The following LMF1 variants were observed in gnomAD, a reference collection of about 807,000 sequenced individuals.
LMF1 encodes transmembrane protein 112.
A neutral mutation model predicts 60.6 loss-of-function variants in LMF1; 68 were observed. That is an observed-to-expected ratio of 1.12 (90% CI 0.92 to 1.37). The LOEUF is 1.37. Among genes scored for constraint, LMF1 ranks in the 40% most tolerant of loss-of-function variants. The probability of loss-of-function intolerance (pLI) is 0.00; values close to 1 mark genes in which losing one functional copy is unlikely to be tolerated. For synonymous variants in LMF1, 418 were observed against 324.7 expected (o/e 1.29, Z -3.09); for missense variants, 948 against 767.2 (o/e 1.24, Z -2.78).
At chr16:882,574 A>G (rs1334359101) in intron 5 of LMF1, among the ~76,000 whole-genome samples, 2 of 152,258 alleles carry the variant, frequency 1.3e-5, no homozygotes, top group African/African-American at 4.8e-5. Flanking sequence ...CACCACGTGC[A>G]GCAGAAGAGC....
At chr16:919,826 G>A (rs1341978594) in intron 3 of LMF1, among the ~76,000 whole-genome samples, 1 of 152,144 alleles carries the variant, frequency 6.6e-6, no homozygotes, top group African/African-American at 2.4e-5. Context: ...ACGTGGGGGT[G>A]AGGGTGAAGC....
intron 5 of LMF1, among the ~76,000 whole-genome samples, chr16:892,086 T>G (rs2070505035): frequency 6.6e-6 from 1 of 152,190 alleles, no homozygotes; most frequent in Admixed American, 6.5e-5. Context: ...GGCCGGCACG[T>G]GGACCAAGAC....
intron 2 of LMF1, among the ~76,000 whole-genome samples, chr16:948,290 A>G (rs2072304091): frequency 1.3e-5 from 2 of 150,772 alleles, no homozygotes; most frequent in Admixed American, 1.3e-4. Context: ...CGACAGAGTC[A>G]GAGCCAACGA....
At chr16:866,187 AT>A (rs1190274741) in intron 10 of LMF1, among the ~76,000 whole-genome samples, 1 of 152,138 alleles carries the variant, frequency 6.6e-6, no homozygotes, top group Non-Finnish European at 1.5e-5. Flanking sequence ...AAAACTGAAC[AT>A]TTTGTGTATT....
rs140577553 is a variant in LMF1, at chr16:857,029, G to A, written c.1530-2323C>T. ...ATTTCAAGAATGAGTGGAACCCTGC[G>A]GCACGTACCCGCGGGGCAGGCGATT... is the stretch of plus-strand genomic sequence containing the variant. On this transcript the variant is annotated intron_variant, in intron 10 of 10. Transcript: ENST00000262301. 3.6e-3 allele frequency among the ~76,000 whole-genome samples: 545 copies of A among 152,374 alleles called. 4 individuals carry two copies. The highest frequency in any genetic ancestry group is 0.017 in the Middle Eastern group (5 of 294).
At chr16:958,491 C>T (rs1597078445) in intron 1 of LMF1, among the ~76,000 whole-genome samples, 2 of 152,202 alleles carry the variant, frequency 1.3e-5, no homozygotes, top group Non-Finnish European at 1.5e-5. Context: ...GCAAATAACA[C>T]GTGAAAAGAT....
Position 871,188 on chromosome 16 carries a change from G to T in LMF1, c.1051C>A (p.Arg351=), listed in dbSNP as rs1394058307. 1.9e-6 allele frequency: 3 copies of T among 1,607,606 alleles called. No individual in the cohort carries two copies. The highest frequency in any genetic ancestry group is 2.5e-6 in the Non-Finnish European group (3 of 1,177,824). The part of the protein sequence containing the change: ...DRVLQMQRDI[R]GARPEPRFGS... ...AATCTGGGCTCGGGCCGGGCCCCTC[G>T]GATGTCCCTCTGCATCTGCAGAACT... The change falls in exon 7 of 11, where the codon CGA becomes AGA. Residue 351 remains arginine, a synonymous_variant. Coordinates refer to ENST00000262301, the MANE Select transcript of LMF1 (RefSeq NM_022773.4).
chr16:962,295 G>A lies in LMF1; in HGVS notation c.194-7629C>T, dbSNP rs547654920. On this transcript the variant is annotated intron_variant, in intron 1 of 10. Transcript: ENST00000262301. The surrounding 1 kb of genome is among the most constrained non-coding windows in gnomAD (Gnocchi z 4.5). ...TCACGACCCAGAGGGAAAATAAATG[G>A]GCGTGGGTCCATAGTGACAAAATCA... Among the ~76,000 whole-genome samples, 1 of 152,130 alleles carries A rather than the reference G, an allele frequency of 6.6e-6. No individual in the cohort carries two copies. Among genetic ancestry groups the A allele is most frequent in the Non-Finnish European group, 1.5e-5 (1 of 68,038 alleles).
At chr16:947,869 GAGTC>G (rs2072279756) in intron 2 of LMF1, among the ~76,000 whole-genome samples, 1 of 152,076 alleles carries the variant, frequency 6.6e-6, no homozygotes, top group African/African-American at 2.4e-5. Context: ...GACAATGACA[GAGTC>G]AGCCAACGAC....
intron 3 of LMF1, among the ~76,000 whole-genome samples, chr16:928,674 G>A (rs1035151611): frequency 2.6e-5 from 4 of 151,346 alleles, no homozygotes; most frequent in African/African-American, 9.7e-5. Flanking sequence ...CCCTGCACGA[G>A]CCCATCCCCA....
intron 4 of LMF1, among the ~76,000 whole-genome samples, chr16:898,165 C>A (rs554123058): frequency 6.6e-6 from 1 of 152,262 alleles, no homozygotes; most frequent in Non-Finnish European, 1.5e-5. Context: ...CCCTCAGACA[C>A]GCAGCTGACT....
At chr16:951,250 A>C (rs2072458732) in intron 2 of LMF1, among the ~76,000 whole-genome samples, 1 of 148,374 alleles carries the variant, frequency 6.7e-6, no homozygotes, top group African/African-American at 2.5e-5. Context: ...CGACAGAGTC[A>C]GCCAACGACA....
At chr16:955,216 T>A (rs2072658173) in intron 1 of LMF1, among the ~76,000 whole-genome samples, 1 of 121,806 alleles carries the variant, frequency 8.2e-6, no homozygotes, top group Non-Finnish European at 1.6e-5. Context: ...ACAAGTTACA[T>A]AAAAGGCGTG....
At chr16:929,566 G>A (rs1204843385) in intron 3 of LMF1, among the ~76,000 whole-genome samples, 5 of 152,224 alleles carry the variant, frequency 3.3e-5, no homozygotes, top group Non-Finnish European at 7.3e-5. Context: ...CTGGAAGCTC[G>A]AGACACTCCC....
chr16:890,988 TTGA>T (rs2070470167), intron 5 of LMF1, among the ~76,000 whole-genome samples: 1 of 152,192 alleles, frequency 6.6e-6, no homozygotes, highest in Non-Finnish European at 1.5e-5. Context: ...TGAACTGGTG[TTGA>T]CGGCTGACAC....
At position 934,214 on chromosome 16, in the gene LMF1, C is replaced by G. The variant is rs573835447; in HGVS notation, c.514+30G>C. 4.4e-6 allele frequency: 7 copies of G among 1,599,350 alleles called. No homozygotes were observed. The East Asian group carries it at 8.9e-5, about 20-fold the overall frequency. ...CCAAACACACAACGCTCAACTCTCGCAGAGCTTTCTCTAAATGCATCTCAC... is the reference window on the plus strand; with the variant it reads ...CCAAACACACAACGCTCAACTCTCGGAGAGCTTTCTCTAAATGCATCTCAC... On this transcript the variant is annotated intron_variant, in intron 3 of 10. Coordinates refer to ENST00000262301, the MANE Select transcript of LMF1 (RefSeq NM_022773.4).
chr16:981,107 C>A (rs535276678), intron 1 of LMF1: 2 of 386,972 alleles, frequency 5.2e-6, no homozygotes, highest in Admixed American at 2.7e-5. Context: ...GGCCCGGGGT[C>A]CCCCAGCTCC....
rs377182563 is a variant in LMF1 at position 880,161 on chromosome 16, T to C, written c.730-424A>G. ...GCGGCCCCTCAGGCTCAGGATGCCC[T>C]TTCCCTGGGGATGGACACGTGGGTG... On this transcript the variant is annotated intron_variant, in intron 5 of 10. Transcript: ENST00000262301. Among the ~76,000 whole-genome samples the C allele has an allele frequency of 7.2e-5, 11 of 152,168 alleles. No individual in the cohort carries two copies. In the East Asian group the frequency reaches 1.9e-3, roughly 27 times the overall value.
Position 953,497 on chromosome 16 carries a change from G to A in LMF1, c.503+860C>T, listed in dbSNP as rs201083064. 7.1e-3 allele frequency among the ~76,000 whole-genome samples: 32 copies of A among 4,510 alleles called. 13 individuals are homozygous for A. In the East Asian group the frequency reaches 0.17, roughly 23 times the overall value. The allele number at this position is 4,510 out of a possible 152,430, so 3.0% of individuals were successfully genotyped here. On this transcript the variant is annotated intron_variant, in intron 2 of 10. Coordinates refer to ENST00000262301, the MANE Select transcript of LMF1 (RefSeq NM_022773.4). ...GACACCCACCCCAAACCAGCCTCCT[G>A]CACGTCCACACAGACACCCCAAACC...
Sources: allele counts gnomAD v4.1 joint callset (sites outside exome capture counted in the v4.1 genomes callset), GRCh38; gene constraint gnomAD v4.1.1; non-coding constraint Gnocchi (gnomAD v3.1); transcripts MANE v1.5; gene names NCBI Gene and HGNC (gene_info 2026-07-23, HGNC 2026-07-21).